FAM193A: variants seen among roughly 807,000 people sequenced by gnomAD.
The protein encoded by FAM193A is family with sequence similarity 193 member A, also known as protein FAM193A.
Under a neutral mutation model 126.5 loss-of-function variants are expected in FAM193A, and 22 were observed. The observed-to-expected ratio is 0.17, with a 90% CI of 0.12 to 0.25. The LOEUF is 0.25. FAM193A is among the 10% of genes least tolerant of loss of function. The pLI is 1.00. For missense variants in FAM193A, 1,675 were observed against 1,672.8 expected (o/e 1.00, Z -0.02); for synonymous variants, 761 against 646.8 (o/e 1.18, Z -2.68).
intron 2 of FAM193A, among the ~76,000 whole-genome samples, chr4:2,624,199 CAA>C (rs1171545497): frequency 6.6e-6 from 1 of 151,376 alleles, no homozygotes; most frequent in African/African-American, 2.4e-5. Context: ...TTTTTTGAGA[CAA>C]AGTCTCGGTC....
In FAM193A at chr4:2,548,645, T is replaced by C. The variant is rs568591006; in HGVS notation, c.255+11475T>C. ...CTAATTTTTGTATTTTTAGTAGAGA[T>C]GGGGTTTCACCATATTGGCCATGCT... is the stretch of plus-strand genomic sequence containing the variant. On this transcript the variant is annotated intron_variant, in intron 1 of 20. Coordinates refer to ENST00000637812, the MANE Select transcript of FAM193A (RefSeq NM_001366318.2). Among the ~76,000 whole-genome samples the C allele has an allele frequency of 4.7e-3, 705 of 150,076 alleles. 5 individuals carry two copies. The highest frequency in any genetic ancestry group is 8.0e-3 in the Non-Finnish European group (535 of 66,610).
intron 1 of FAM193A, among the ~76,000 whole-genome samples, chr4:2,544,949 G>A (rs951177663): frequency 2.0e-5 from 3 of 151,596 alleles, no homozygotes; most frequent in African/African-American, 7.3e-5. Context: ...TTCTACTACT[G>A]ATCTCATCTG....
At chr4:2,680,793 C>G (rs1217725167) in intron 13 of FAM193A, among the ~76,000 whole-genome samples, 3 of 152,010 alleles carry the variant, frequency 2.0e-5, no homozygotes, top group South Asian at 2.1e-4. Context: ...AGGCGCCCAC[C>G]ACCATGCCCG....
intron 7 of FAM193A, chr4:2,655,204 C>A: frequency 1.7e-6 from 1 of 578,430 alleles, no homozygotes; most frequent in South Asian, 2.2e-5. Context: ...AAGAAGTTTA[C>A]CTTTATTTCT....
intron 2 of FAM193A, 25 bp downstream of exon 2, chr4:2,596,354 C>T (rs1216515961): frequency 8.6e-6 from 6 of 695,632 alleles, no homozygotes; most frequent in East Asian, 2.7e-5. Context: ...GCACAGGCAG[C>T]GCAGGGCGTT....
chr4:2,621,319 G>T (rs960071903), intron 2 of FAM193A, among the ~76,000 whole-genome samples: 1 of 152,078 alleles, frequency 6.6e-6, no homozygotes, highest in Non-Finnish European at 1.5e-5. Context: ...GAGTTGAGAG[G>T]CAAAAAAATT....
At chr4:2,642,548 C>T (rs953835361) in intron 6 of FAM193A, among the ~76,000 whole-genome samples, 3 of 152,014 alleles carry the variant, frequency 2.0e-5, no homozygotes, top group African/African-American at 7.3e-5. Flanking sequence ...CTGGTTATGA[C>T]GTTCAGATTC....
intron 4 of FAM193A, among the ~76,000 whole-genome samples, chr4:2,630,394 G>A (rs1007778482): frequency 1.2e-4 from 18 of 151,876 alleles, no homozygotes; most frequent in African/African-American, 4.1e-4. Context: ...AAACCCATTT[G>A]GATTGTACAC....
At chr4:2,691,003 C>G (rs762674834) in intron 15 of FAM193A, 33 bp downstream of exon 15, 1 of 1,581,344 alleles carries the variant, frequency 6.3e-7, no homozygotes, top group South Asian at 1.1e-5. Flanking sequence ...CCCTCGGGGT[C>G]TGCAGGAAGG....
chr4:2,636,000 A>AT (rs796940676), intron 5 of FAM193A, among the ~76,000 whole-genome samples: 235 of 144,872 alleles, frequency 1.6e-3, no homozygotes, highest in South Asian at 2.4e-3. Context: ...AAAAGGACGA[A>AT]TTTTTTTTTT....
At chr4:2,679,367 TTTTC>T (rs202109350) in intron 13 of FAM193A, among the ~76,000 whole-genome samples, 6 of 146,418 alleles carry the variant, frequency 4.1e-5, no homozygotes, top group Admixed American at 2.7e-4. Flanking sequence ...TCGTTTGTAG[TTTTC>T]TTTCTTTTTT....
chr4:2,644,631 AAT>A (rs566082977), intron 6 of FAM193A, among the ~76,000 whole-genome samples: 50 of 152,202 alleles, frequency 3.3e-4, no homozygotes, highest in African/African-American at 1.1e-3. Flanking sequence ...GGCTTCCCTA[AAT>A]GACTGCCCAG....
chr4:2,717,374 C>T (rs1463048860), intron 20 of FAM193A, among the ~76,000 whole-genome samples: 1 of 152,110 alleles, frequency 6.6e-6, no homozygotes, highest in Non-Finnish European at 1.5e-5. Context: ...AGGCAGATCA[C>T]TTGATCAGGT....
chr4:2,596,660 C>A (rs1169251499), intron 2 of FAM193A, among the ~76,000 whole-genome samples: 1 of 152,226 alleles, frequency 6.6e-6, no homozygotes, highest in Non-Finnish European at 1.5e-5. Flanking sequence ...TAGTTCTCAA[C>A]AATTCGACAT....
intron 1 of FAM193A, among the ~76,000 whole-genome samples, chr4:2,580,378 G>A (rs183943150): frequency 1.3e-3 from 204 of 152,246 alleles, no homozygotes; most frequent in Admixed American, 2.0e-3. Flanking sequence ...ACAAGTGATG[G>A]CTACTAAGCT....
chr4:2,725,774 T>C (rs1720676054), intron 20 of FAM193A, among the ~76,000 whole-genome samples: 1 of 152,024 alleles, frequency 6.6e-6, no homozygotes, highest in African/African-American at 2.4e-5. Context: ...TGCAGTGGTA[T>C]GATCTTGGCT....
At chr4:2,690,586 C>T (rs1161128047) in intron 14 of FAM193A, 112 bp from the exon 15 acceptor site, 14 of 1,006,226 alleles carry the variant, frequency 1.4e-5, no homozygotes, top group Non-Finnish European at 1.9e-5. Context: ...CAGTGGGATC[C>T]TGACTTCAGT....
intron 1 of FAM193A, among the ~76,000 whole-genome samples, chr4:2,578,284 C>G (rs186074203): frequency 6.6e-6 from 1 of 152,006 alleles, no homozygotes; most frequent in Non-Finnish European, 1.5e-5. Context: ...ATTTGCTACC[C>G]GTGCATTTTT....
At chr4:2,555,309 T>C (rs1213271189) in intron 1 of FAM193A, among the ~76,000 whole-genome samples, 2 of 152,146 alleles carry the variant, frequency 1.3e-5, no homozygotes, top group Non-Finnish European at 2.9e-5. Context: ...ATTTATTTTG[T>C]TTTTACTATG....
Sources: gnomAD v4.1 joint callset for allele counts (sites outside exome capture counted in the v4.1 genomes callset) on GRCh38, gnomAD v4.1.1 for gene constraint, MANE v1.5 for transcripts, NCBI Gene and HGNC (gene_info 2026-07-23, HGNC 2026-07-21) for gene names.